Variants in MAP4 observed in about 807,000 individuals in gnomAD.
The protein encoded by MAP4 is microtubule-associated protein 4.
A neutral mutation model predicts 170.2 loss-of-function variants in MAP4; 76 were observed. The observed-to-expected ratio is 0.45, with a 90% CI of 0.37 to 0.54. The LOEUF (loss-of-function observed/expected upper bound fraction) is 0.54, where lower values mean the gene tolerates loss of function less well. Ranked by LOEUF, MAP4 falls within the 20% of genes least tolerant of loss-of-function variation. The pLI is 0.00. For synonymous variants in MAP4, 909 were observed against 994.5 expected (o/e 0.91, Z 1.62); for missense variants, 2,506 against 2,748.0 (o/e 0.91, Z 1.97).
chr3:47,980,615 G>T (rs1373978849), intron 2 of MAP4, among the ~76,000 whole-genome samples: 1 of 152,176 alleles, frequency 6.6e-6, no homozygotes, highest in Non-Finnish European at 1.5e-5. Context: ...TTAAATAAAA[G>T]AAAGAAATAA....
chr3:47,909,309 A>G lies in MAP4; in HGVS notation c.5112T>C (p.Pro1704=), dbSNP rs1197537569. The G allele has an allele frequency of 6.2e-7, 1 of 1,613,940 alleles. No homozygotes were observed. The highest frequency in any genetic ancestry group is 1.7e-5 in the Admixed American group (1 of 60,016). Residue 1704 remains proline (P), a synonymous_variant, in exon 9 of 21, where the codon CCT becomes CCC. Transcript: ENST00000683076. ...CTAACGTATCCGCCACCTCTGAAGG[A>G]GGAGCTTCGACTTTGCTATGTAAGA... ...SDFLHSKVEA[P]PSEVADTLVI...
In MAP4 at chr3:47,909,369, G is replaced by A. The variant is rs140205036; in HGVS notation, c.5052C>T (p.Ser1684=). Residue 1684 remains serine (S), a synonymous_variant, in exon 9 of 21, where the codon AGC becomes AGT. Coordinates refer to ENST00000683076, the MANE Select transcript of MAP4 (RefSeq NM_001385682.1). ...GGATTTCTGGTGTTGGCAAGGAAAC[G>A]CTTTCCAATTCCGTGATTTTACAAG... The part of the protein sequence containing the change: ...SLACKITELE[S]VSLPTPEIQS... 740 of 1,613,872 alleles carry A rather than the reference G, an allele frequency of 4.6e-4. 15 individuals are homozygous for A. The East Asian group carries it at 0.015, about 33-fold the overall frequency.
intron 2 of MAP4, among the ~76,000 whole-genome samples, chr3:47,996,855 T>C (rs1203202098): frequency 6.6e-6 from 1 of 151,984 alleles, no homozygotes; most frequent in Non-Finnish European, 1.5e-5. Context: ...TGTTAAAGTC[T>C]ACAGTAGAAA....
intron 10 of MAP4, among the ~76,000 whole-genome samples, chr3:47,878,940 T>C (rs2096098541): frequency 6.6e-6 from 1 of 152,248 alleles, no homozygotes. Context: ...GTGAACTGTA[T>C]GACCCATAGG....
chr3:48,004,571 T>C (rs2100101184), intron 1 of MAP4, among the ~76,000 whole-genome samples: 1 of 152,194 alleles, frequency 6.6e-6, no homozygotes, highest in Non-Finnish European at 1.5e-5. Flanking sequence ...TTAGCTCCTG[T>C]TGAGAAAGAG....
chr3:48,060,279 G>A (rs577319204), intron 1 of MAP4, among the ~76,000 whole-genome samples: 1 of 152,170 alleles, frequency 6.6e-6, no homozygotes, highest in African/African-American at 2.4e-5. Flanking sequence ...ACATGGTCAT[G>A]AACTGCTACA....
upstream of MAP4, among the ~76,000 whole-genome samples, chr3:48,018,893 T>C (rs1013121469): frequency 1.3e-5 from 2 of 152,226 alleles, no homozygotes; most frequent in Non-Finnish European, 2.9e-5. Flanking sequence ...TCTGGAATTA[T>C]AGAAAGAAAG....
At chr3:47,931,250 G>A (rs1432973776) in intron 3 of MAP4, among the ~76,000 whole-genome samples, 5 of 151,952 alleles carry the variant, frequency 3.3e-5, no homozygotes, top group Admixed American at 1.3e-4. Context: ...GCATGGTGAC[G>A]AGTGCCTTTA....
intron 12 of MAP4, among the ~76,000 whole-genome samples, chr3:47,873,395 C>G (rs1428568037): frequency 6.6e-6 from 1 of 152,032 alleles, no homozygotes; most frequent in African/African-American, 2.4e-5. Flanking sequence ...GAGAGTATGC[C>G]AAATCACAGA....
chr3:48,080,375 T>G (rs2100146017), intron 1 of MAP4, among the ~76,000 whole-genome samples: 1 of 152,142 alleles, frequency 6.6e-6, no homozygotes, highest in African/African-American at 2.4e-5. Context: ...GAGGAAGAAG[T>G]CCAGAAAAAG....
upstream of MAP4, among the ~76,000 whole-genome samples, chr3:48,020,797 G>GT (rs890503933): frequency 1.3e-5 from 2 of 151,744 alleles, no homozygotes; most frequent in East Asian, 1.9e-4. Context: ...TTGTTGTTTT[G>GT]TTTTTTTTAG....
At chr3:47,943,009 G>A (rs2100057489) in intron 3 of MAP4, among the ~76,000 whole-genome samples, 1 of 152,106 alleles carries the variant, frequency 6.6e-6, no homozygotes, top group Non-Finnish European at 1.5e-5. Flanking sequence ...AGTTACTTTG[G>A]AGGCTGAGGT....
At position 47,941,356 on chromosome 3, in the gene MAP4, A is replaced by G. The variant is rs141969057; in HGVS notation, c.293-13006T>C. 4.4e-3 allele frequency among the ~76,000 whole-genome samples: 671 copies of G among 152,132 alleles called. 1 individual carries two copies. The highest frequency in any genetic ancestry group is 0.017 in the Middle Eastern group (5 of 292). On this transcript the variant is annotated intron_variant, in intron 3 of 20. Transcript: ENST00000683076. ...TCAAAATATTCCTCCTCCTAACTAC[A>G]TATTTGTGTGAAATGGATTTTCTTC...
chr3:47,992,003 G>A (rs145668189), intron 2 of MAP4, among the ~76,000 whole-genome samples: 4 of 151,318 alleles, frequency 2.6e-5, no homozygotes, highest in Non-Finnish European at 4.4e-5. Context: ...AAAAGTGTCA[G>A]CAATCAGCAG....
At chr3:48,025,967 C>G (rs1238194983) in intron 1 of MAP4, among the ~76,000 whole-genome samples, 1 of 147,788 alleles carries the variant, frequency 6.8e-6, no homozygotes, top group Non-Finnish European at 1.5e-5. Flanking sequence ...GACTTAGAGG[C>G]TCCTGGACTA....
intron 1 of MAP4, among the ~76,000 whole-genome samples, chr3:48,063,730 GAAAA>G (rs1014169815): frequency 6.6e-6 from 1 of 151,490 alleles, no homozygotes; most frequent in Non-Finnish European, 1.5e-5. Flanking sequence ...ATTGCTAGGT[GAAAA>G]AAAAGCCAAT....
intron 3 of MAP4, among the ~76,000 whole-genome samples, chr3:47,937,669 T>C (rs936554528): frequency 6.8e-6 from 1 of 146,438 alleles, no homozygotes; most frequent in Admixed American, 6.8e-5. Flanking sequence ...TTTTTTTTTT[T>C]TTTTTTTTTG....
chr3:47,897,129 G>A (rs966143893), intron 10 of MAP4, among the ~76,000 whole-genome samples: 2 of 151,996 alleles, frequency 1.3e-5, no homozygotes, highest in Non-Finnish European at 2.9e-5. Flanking sequence ...CCTTTTCGAT[G>A]TATCTTTATT....
chr3:47,958,933 C>T (rs1167672204), intron 3 of MAP4, among the ~76,000 whole-genome samples: 3 of 152,114 alleles, frequency 2.0e-5, no homozygotes, highest in East Asian at 1.9e-4. Flanking sequence ...CCACCCAACT[C>T]GGCCTCCCAA....
Sources: allele counts gnomAD v4.1 joint callset (sites outside exome capture counted in the v4.1 genomes callset), GRCh38; gene constraint gnomAD v4.1.1; transcripts MANE v1.5; gene names NCBI Gene and HGNC (gene_info 2026-07-23, HGNC 2026-07-21).